IGF2: variants seen among roughly 807,000 people sequenced by gnomAD.
The protein encoded by IGF2 is insulin like growth factor 2, also known as insulin-like growth factor 2.
Under a neutral mutation model 12.0 loss-of-function variants are expected in IGF2, and 2 were observed. That is an observed-to-expected ratio of 0.17 (90% confidence interval 0.07 to 0.52). The LOEUF is 0.52. Among genes scored for constraint, IGF2 ranks in the 20% least tolerant of loss-of-function variants. IGF2 has a pLI of 0.95. For missense variants in IGF2, 211 were observed against 268.0 expected, an observed-to-expected ratio of 0.79 and a Z score of 1.48; for synonymous variants, 105 against 110.1, an observed-to-expected ratio of 0.95 and a Z score of 0.29.
At chr11:2,147,839 G>T in the IGF2 span, 1 of 1,233,076 alleles carries the variant, frequency 8.1e-7, no homozygotes, top group Non-Finnish European at 1.0e-6. The surrounding 1 kb of genome is among the most constrained non-coding windows in gnomAD (Gnocchi z 7.2). Flanking sequence ...TTGCTGAGAT[G>T]ACCTCTTTTA....
At chr11:2,140,261 G>A (rs765912786), upstream of IGF2, 7 of 1,613,046 alleles carry the variant, frequency 4.3e-6, no homozygotes, top group Non-Finnish European at 5.9e-6. Flanking sequence ...CGGTCTCGGG[G>A]GCCACCACGA....
Sources: gnomAD v4.1 joint callset for allele counts on GRCh38, gnomAD v4.1.1 for gene constraint, Gnocchi (gnomAD v3.1) non-coding constraint, MANE v1.5 for transcripts, NCBI Gene and HGNC (gene_info 2026-07-23, HGNC 2026-07-21) for gene names.